The following ANKRD30B variants were observed in gnomAD, a reference collection of about 807,000 sequenced individuals.
ANKRD30B encodes the protein ankyrin repeat domain-containing protein 30B.
A neutral mutation model predicts 202.2 loss-of-function variants in ANKRD30B; 144 were observed. That is an observed-to-expected ratio of 0.71 (90% CI 0.62 to 0.82). ANKRD30B has a LOEUF of 0.82. ANKRD30B is among the 40% of genes least tolerant of loss of function. ANKRD30B has a pLI of 0.00. For missense variants in ANKRD30B, 1,487 were observed against 1,669.1 expected (o/e 0.89, Z 1.90); for synonymous variants, 508 against 561.3 (o/e 0.91, Z 1.34).
At chr18:14,902,672 A>G in the ANKRD30B span, among the ~76,000 whole-genome samples, 1 of 152,090 alleles carries the variant, frequency 6.6e-6, no homozygotes, top group Non-Finnish European at 1.5e-5. Flanking sequence ...TGTATCCTTT[A>G]GTTCCTCAGC....
chr18:14,889,479 A>G, the ANKRD30B span, among the ~76,000 whole-genome samples: 1 of 152,134 alleles, frequency 6.6e-6, no homozygotes, highest in Non-Finnish European at 1.5e-5. Context: ...AAAGCCAATT[A>G]TATTTTATTA....
chr18:14,789,006 C>T (rs1341828265), intron 15 of ANKRD30B, among the ~76,000 whole-genome samples: 1 of 151,866 alleles, frequency 6.6e-6, no homozygotes, highest in Non-Finnish European at 1.5e-5. Context: ...TTTACAGTCC[C>T]ACCAACAGTG....
intron 30 of ANKRD30B, among the ~76,000 whole-genome samples, chr18:14,822,226 A>C (rs1392650107): frequency 6.6e-6 from 1 of 152,054 alleles, no homozygotes; most frequent in African/African-American, 2.4e-5. Context: ...TGCTTTAGTT[A>C]ATGTCACTTG....
At chr18:14,859,119 TC>T, downstream of ANKRD30B, among the ~76,000 whole-genome samples, 1 of 132,854 alleles carries the variant, frequency 7.5e-6, no homozygotes, top group Non-Finnish European at 1.6e-5. Context: ...GCAGAGGCGC[TC>T]CTCACCTCCC....
At chr18:14,770,951 A>G (rs1966962630) in intron 8 of ANKRD30B, among the ~76,000 whole-genome samples, 1 of 152,194 alleles carries the variant, frequency 6.6e-6, no homozygotes, top group South Asian at 2.1e-4. Flanking sequence ...GCTGAGTCAC[A>G]TAGATCTGTG....
the ANKRD30B span, chr18:14,889,993 C>G: frequency 3.0e-6 from 3 of 999,346 alleles, no homozygotes; most frequent in Middle Eastern, 3.1e-4. Context: ...AATACCTTTG[C>G]GTAGAGTTTT....
chr18:14,771,851 T>C (rs1330884062), intron 8 of ANKRD30B, among the ~76,000 whole-genome samples: 1 of 152,208 alleles, frequency 6.6e-6, no homozygotes, highest in African/African-American at 2.4e-5. Context: ...TGAGGATGAA[T>C]TATACTCAGG....
chr18:14,928,455 C>T, the ANKRD30B span, among the ~76,000 whole-genome samples: 1 of 152,170 alleles, frequency 6.6e-6, no homozygotes, highest in Non-Finnish European at 1.5e-5. Context: ...CAGCTGATGG[C>T]CTCAACAGAA....
chr18:14,845,866 C>T (rs1397826785), intron 39 of ANKRD30B, among the ~76,000 whole-genome samples: 1 of 152,102 alleles, frequency 6.6e-6, no homozygotes, highest in African/African-American at 2.4e-5. Flanking sequence ...GGTAAAGAGG[C>T]TCTCTGGGGT....
chr18:14,795,853 ATT>A (rs60666067), intron 16 of ANKRD30B, among the ~76,000 whole-genome samples: 15 of 139,312 alleles, frequency 1.1e-4, no homozygotes, highest in Non-Finnish European at 1.3e-4. Context: ...CCTAGGACTT[ATT>A]TTTTTTTTTT....
intron 16 of ANKRD30B, among the ~76,000 whole-genome samples, chr18:14,793,441 C>T (rs1052267936): frequency 1.2e-4 from 19 of 152,042 alleles, no homozygotes; most frequent in Non-Finnish European, 1.9e-4. Context: ...TCATGATTTG[C>T]TCCTCTGATT....
At chr18:14,876,149 G>A in the ANKRD30B span, among the ~76,000 whole-genome samples, 2 of 140,968 alleles carry the variant, frequency 1.4e-5, no homozygotes, top group African/African-American at 5.5e-5. Context: ...AAGATGTGGG[G>A]GAGACATAGA....
the ANKRD30B span, among the ~76,000 whole-genome samples, chr18:14,894,536 A>G: frequency 6.6e-6 from 1 of 152,048 alleles, no homozygotes. Flanking sequence ...TGATAACTAA[A>G]TATTATTTTC....
the ANKRD30B span, among the ~76,000 whole-genome samples, chr18:14,914,689 T>G: frequency 6.6e-6 from 1 of 152,090 alleles, no homozygotes; most frequent in Admixed American, 6.5e-5. Flanking sequence ...GTTTCTAGCT[T>G]TTGTTACTAG....
intron 36 of ANKRD30B, among the ~76,000 whole-genome samples, chr18:14,838,102 A>G (rs756064820): frequency 2.6e-5 from 4 of 152,280 alleles, no homozygotes; most frequent in African/African-American, 7.2e-5. Context: ...TAACATCTGC[A>G]TAGTGCAATT....
At chr18:14,752,539 T>G in intron 1 of ANKRD30B, 27 bp from the exon 2 acceptor site, 1 of 1,569,994 alleles carries the variant, frequency 6.4e-7, no homozygotes. Context: ...GGCTATACTT[T>G]GCCTAAAAGT....
At chr18:14,894,234 T>C in the ANKRD30B span, among the ~76,000 whole-genome samples, 3 of 152,208 alleles carry the variant, frequency 2.0e-5, no homozygotes, top group African/African-American at 7.2e-5. Flanking sequence ...TGGGGAACTT[T>C]GATCTAAATT....
At chr18:14,901,218 C>T in the ANKRD30B span, among the ~76,000 whole-genome samples, 13 of 152,118 alleles carry the variant, frequency 8.5e-5, no homozygotes, top group Admixed American at 1.3e-4. Context: ...TAGACAATAT[C>T]GCTTTACTTT....
rs10572502 is a variant in ANKRD30B, at chr18:14,786,044, C to CAAA, written c.1673-970_1673-968dup. ...TGGGCGACAGAGCGAGACTCCGTCT[C>CAAA]AAAAAAAAAAAAAAAAAAAAAAAAA... On this transcript the variant is annotated intron_variant, in intron 14 of 43. Coordinates refer to ENST00000690538, the MANE Select transcript of ANKRD30B (RefSeq NM_001367607.2). Among the ~76,000 whole-genome samples, 53 of 72,750 alleles carry CAAA rather than the reference C, an allele frequency of 7.3e-4. 2 individuals carry two copies. Among genetic ancestry groups the CAAA allele is most frequent in the African/African-American group, 3.1e-3 (50 of 16,316 alleles). 47.7% of individuals were successfully genotyped at this position (72,750 alleles called of 152,430 possible).
Sources: allele counts gnomAD v4.1 joint callset (sites outside exome capture counted in the v4.1 genomes callset), GRCh38; gene constraint gnomAD v4.1.1; transcripts MANE v1.5; gene names NCBI Gene and HGNC (gene_info 2026-07-23, HGNC 2026-07-21).